Variants in PCDH15 observed in about 807,000 individuals in gnomAD.
PCDH15 encodes protocadherin related 15, also known as protocadherin-15.
A neutral mutation model predicts 178.5 loss-of-function variants in PCDH15; 129 were observed. The ratio of observed to expected loss-of-function variants is 0.72; its 90% CI spans 0.63 to 0.84. The LOEUF (loss-of-function observed/expected upper bound fraction) is 0.84, where lower values mean the gene tolerates loss of function less well. Ranked by LOEUF, PCDH15 falls within the 40% of genes least tolerant of loss-of-function variation. The probability of loss-of-function intolerance (pLI) is 0.00; values close to 1 mark genes in which losing one functional copy is unlikely to be tolerated. For synonymous variants in PCDH15, 800 were observed against 732.0 expected (o/e 1.09, Z -1.50); for missense variants, 2,230 against 2,099.9 (o/e 1.06, Z -1.21).
At chr10:53,823,849 T>C (rs2076486395) in intron 32 of PCDH15, 1 of 450,620 alleles carries the variant, frequency 2.2e-6, no homozygotes, top group Non-Finnish European at 4.5e-6. Flanking sequence ...ATGTGGAATA[T>C]CCTGTTCTCC....
chr10:53,827,250 C>G, intron 32 of PCDH15, 143 bp downstream of exon 32: 1 of 1,233,562 alleles, frequency 8.1e-7, no homozygotes. Context: ...AGATTTTCGT[C>G]TTAACAAATT....
At chr10:54,961,063 AAT>A (rs1190649834) in intron 2 of PCDH15, among the ~76,000 whole-genome samples, 2 of 152,236 alleles carry the variant, frequency 1.3e-5, no homozygotes, top group African/African-American at 4.8e-5. Context: ...CTGCAGGAAA[AAT>A]ATATATCAAA....
chr10:54,827,040 C>G (rs535335377), intron 3 of PCDH15, among the ~76,000 whole-genome samples: 1 of 152,136 alleles, frequency 6.6e-6, no homozygotes, highest in East Asian at 1.9e-4. Flanking sequence ...TCTGTGCATG[C>G]CAGGAACCTG....
intron 1 of PCDH15, among the ~76,000 whole-genome samples, chr10:55,194,146 T>C (rs1840020577): frequency 6.6e-6 from 1 of 152,038 alleles, no homozygotes; most frequent in Non-Finnish European, 1.5e-5. Context: ...TCCTGGCATG[T>C]TGGTCAAGAA....
chr10:55,590,689 T>C (rs1842826925), intron 2 of PCDH15, among the ~76,000 whole-genome samples: 1 of 152,102 alleles, frequency 6.6e-6, no homozygotes. Flanking sequence ...GGCCAAAACC[T>C]CAAACTTAAT....
chr10:54,717,908 A>G (rs1465792300), intron 1 of PCDH15, among the ~76,000 whole-genome samples: 2 of 145,068 alleles, frequency 1.4e-5, no homozygotes, highest in Non-Finnish European at 3.0e-5. Context: ...TGGCACATAT[A>G]CACCATGGAA....
chr10:54,925,945 G>A (rs1837611388), intron 2 of PCDH15, among the ~76,000 whole-genome samples: 1 of 151,952 alleles, frequency 6.6e-6, no homozygotes, highest in Non-Finnish European at 1.5e-5. Flanking sequence ...TTATTTGTTT[G>A]TTGTGCCTAT....
At chr10:54,961,759 A>T (rs1319572401) in intron 2 of PCDH15, among the ~76,000 whole-genome samples, 1 of 151,984 alleles carries the variant, frequency 6.6e-6, no homozygotes, top group African/African-American at 2.4e-5. Flanking sequence ...GAAAGGTCCT[A>T]ATCACTTTCG....
At chr10:54,677,608 A>C (rs1420993247) in intron 1 of PCDH15, among the ~76,000 whole-genome samples, 1 of 152,210 alleles carries the variant, frequency 6.6e-6, no homozygotes, top group African/African-American at 2.4e-5. Context: ...AAGCTGATTG[A>C]GAAATAATGG....
chr10:53,871,770 T>TTTTC (rs1564650865), intron 26 of PCDH15, among the ~76,000 whole-genome samples: 22 of 145,630 alleles, frequency 1.5e-4, no homozygotes, highest in African/African-American at 5.7e-4. Context: ...GTTTTGTTTT[T>TTTTC]GAGATGGAGT....
At chr10:54,284,690 C>G (rs2058925943) in intron 8 of PCDH15, among the ~76,000 whole-genome samples, 2 of 152,260 alleles carry the variant, frequency 1.3e-5, no homozygotes, top group South Asian at 4.1e-4. Context: ...CCATTGTGGT[C>G]AAATTGACCA....
chr10:55,095,212 G>A (rs937580111), intron 2 of PCDH15, among the ~76,000 whole-genome samples: 2 of 151,850 alleles, frequency 1.3e-5, no homozygotes, highest in African/African-American at 2.4e-5. Flanking sequence ...AAAGTGTTGG[G>A]ATTACAGGTG....
intron 3 of PCDH15, among the ~76,000 whole-genome samples, chr10:54,864,050 G>C (rs965169202): frequency 2.6e-5 from 4 of 152,058 alleles, no homozygotes; most frequent in Admixed American, 6.6e-5. Context: ...ATTTTCAAAG[G>C]AGTTGGTAGC....
chr10:55,241,301 A>G (rs1592013796), intron 1 of PCDH15, among the ~76,000 whole-genome samples: 1 of 152,290 alleles, frequency 6.6e-6, no homozygotes, highest in African/African-American at 2.4e-5. Context: ...TTATTACTGC[A>G]TGCTTATCTA....
At position 55,588,942 on chromosome 10, in the gene PCDH15, G is replaced by A. The variant is rs193138627; in HGVS notation, c.-156+38683C>T. ...ACCAAAAATACAAAATTAGCCTGGC[G>A]TGGTGCCACATGCCTGTAATCCCAG... is the stretch of plus-strand genomic sequence containing the variant. On this transcript the variant is annotated intron_variant, in intron 2 of 5. Coordinates refer to the PCDH15 transcript ENST00000613346. 3.2e-3 allele frequency among the ~76,000 whole-genome samples: 481 copies of A among 152,006 alleles called. 2 individuals are homozygous for A. The highest frequency in any genetic ancestry group is 6.0e-3 in the Non-Finnish European group (406 of 67,986).
At chr10:54,743,341 G>A (rs993546342) in intron 1 of PCDH15, among the ~76,000 whole-genome samples, 2 of 151,982 alleles carry the variant, frequency 1.3e-5, no homozygotes, top group African/African-American at 2.4e-5. Context: ...AGGTATAGTA[G>A]TATTGAAGAA....
intron 3 of PCDH15, among the ~76,000 whole-genome samples, chr10:54,831,778 CA>C (rs976491247): frequency 6.6e-6 from 1 of 151,352 alleles, no homozygotes; most frequent in Non-Finnish European, 1.5e-5. Context: ...ATTTTACTAC[CA>C]AAAAAACACA....
rs1168458479 is a variant in PCDH15, at chr10:53,995,703, A to G, written c.2814T>C (p.Asp938=). 2 of 1,613,918 alleles carry G rather than the reference A, an allele frequency of 1.2e-6. No individual in the cohort carries two copies. The highest frequency in any genetic ancestry group is 1.7e-6 in the Non-Finnish European group (2 of 1,179,818). ...KRIYKGMVAP[D]AVKGTPITTV... ...TTGTGATAGGTGTACCCTTGACTGC[A>G]TCCGGAGCCACCATCCCTTTGTATA... is the stretch of plus-strand genomic sequence containing the variant. The change falls in exon 21 of 38, where the codon GAT becomes GAC. Residue 938 remains aspartate, a synonymous_variant. Coordinates refer to ENST00000644397, the MANE Select transcript of PCDH15 (RefSeq NM_001384140.1).
At chr10:55,605,088 C>A (rs1280345735) in intron 2 of PCDH15, among the ~76,000 whole-genome samples, 4 of 151,340 alleles carry the variant, frequency 2.6e-5, no homozygotes, top group Non-Finnish European at 5.9e-5. Context: ...CACAGAAATA[C>A]AAACTACCAT....
Sources: allele counts gnomAD v4.1 joint callset (sites outside exome capture counted in the v4.1 genomes callset), GRCh38; gene constraint gnomAD v4.1.1; transcripts MANE v1.5; gene names NCBI Gene and HGNC (gene_info 2026-07-23, HGNC 2026-07-21).